LRP1B: variants seen among roughly 807,000 people sequenced by gnomAD.
LRP1B encodes low-density lipoprotein receptor-related protein 1B.
Under a neutral mutation model 556.6 loss-of-function variants are expected in LRP1B, and 217 were observed. The ratio of observed to expected loss-of-function variants is 0.39; its 90% CI spans 0.35 to 0.44. The LOEUF is 0.44. Among genes scored for constraint, LRP1B ranks in the 20% least tolerant of loss-of-function variants. The pLI, the probability that LRP1B is intolerant of heterozygous loss-of-function variation, is 1.00. For synonymous variants in LRP1B, 2,047 were observed against 1,865.8 expected, an observed-to-expected ratio of 1.10 and a Z score of -2.50; for missense variants, 5,053 against 5,620.8, an observed-to-expected ratio of 0.90 and a Z score of 3.23.
intron 2 of LRP1B, among the ~76,000 whole-genome samples, chr2:141,568,270 A>T (rs1686404960): frequency 6.6e-6 from 1 of 151,096 alleles, no homozygotes; most frequent in South Asian, 2.1e-4. Flanking sequence ...ACATTTTCTC[A>T]TGAGATTTAT....
intron 1 of LRP1B, among the ~76,000 whole-genome samples, chr2:142,067,342 A>AT (rs1438211677): frequency 2.0e-5 from 3 of 151,628 alleles, no homozygotes; most frequent in South Asian, 4.2e-4. Context: ...GCATAGACAG[A>AT]TAAAAAAAAA....
chr2:140,364,809 A>G (rs1682678998), intron 71 of LRP1B, 26 bp from the exon 72 acceptor site: 2 of 1,594,878 alleles, frequency 1.3e-6, no homozygotes, highest in South Asian at 2.2e-5. Flanking sequence ...AAAAGAAACA[A>G]AGAGATTCAG....
In LRP1B at chr2:141,946,216, C is replaced by T. The variant is rs143366209; in HGVS notation, c.83-135815G>A. ...AAAGTTCTTCCTGCCTGCTCCTGCTCCATTCCCTTTATCTTCTGGGTGTTT... is the reference window on the plus strand; with the variant it reads ...AAAGTTCTTCCTGCCTGCTCCTGCTTCATTCCCTTTATCTTCTGGGTGTTT... On this transcript the variant is annotated intron_variant, in intron 1 of 90. Transcript: ENST00000389484. 5.9e-3 allele frequency among the ~76,000 whole-genome samples: 902 copies of T among 152,200 alleles called. 10 individuals are homozygous for T. The highest frequency in any genetic ancestry group is 0.021 in the African/African-American group (876 of 41,532).
intron 41 of LRP1B, among the ~76,000 whole-genome samples, chr2:140,603,047 G>C (rs187382906): frequency 6.6e-6 from 1 of 151,836 alleles, no homozygotes; most frequent in Non-Finnish European, 1.5e-5. Context: ...GTTTATAATG[G>C]TTACTACTTA....
intron 1 of LRP1B, among the ~76,000 whole-genome samples, chr2:142,027,644 C>A (rs1479650451): frequency 1.3e-5 from 2 of 150,286 alleles, no homozygotes; most frequent in Admixed American, 6.7e-5. Context: ...GAAGTAATAT[C>A]ATTAACATTT....
At chr2:141,685,591 A>T (rs770144799) in intron 2 of LRP1B, among the ~76,000 whole-genome samples, 1 of 152,038 alleles carries the variant, frequency 6.6e-6, no homozygotes, top group Non-Finnish European at 1.5e-5. Context: ...TTATAAGAAG[A>T]TTATCCTGGA....
intron 2 of LRP1B, among the ~76,000 whole-genome samples, chr2:141,620,970 C>A (rs1688488354): frequency 6.6e-6 from 1 of 151,624 alleles, no homozygotes; most frequent in Admixed American, 6.6e-5. Flanking sequence ...AGGTATATTT[C>A]TCATTTGTTC....
intron 1 of LRP1B, among the ~76,000 whole-genome samples, chr2:142,096,340 C>A (rs1706367440): frequency 6.6e-6 from 1 of 151,416 alleles, no homozygotes; most frequent in Non-Finnish European, 1.5e-5. Context: ...TAAAGTAAAC[C>A]AAAGCAGAAG....
intron 2 of LRP1B, among the ~76,000 whole-genome samples, chr2:141,493,912 T>C (rs1443347856): frequency 3.3e-5 from 5 of 152,142 alleles, no homozygotes; most frequent in African/African-American, 1.2e-4. Flanking sequence ...TGAATACAAG[T>C]AAGTTTTTCA....
chr2:140,238,858 A>G (rs549745644), intron 88 of LRP1B, among the ~76,000 whole-genome samples: 8 of 150,720 alleles, frequency 5.3e-5, no homozygotes, highest in Non-Finnish European at 8.9e-5. Context: ...TAAATCTCCA[A>G]TAGTTATCAC....
chr2:141,617,930 G>A (rs551076834), intron 2 of LRP1B, among the ~76,000 whole-genome samples: 11 of 152,146 alleles, frequency 7.2e-5, no homozygotes, highest in African/African-American at 2.4e-4. Context: ...GAACCTACAA[G>A]CTATTTATTA....
intron 77 of LRP1B, among the ~76,000 whole-genome samples, chr2:140,346,762 G>A (rs941194881): frequency 1.3e-5 from 2 of 151,810 alleles, no homozygotes; most frequent in African/African-American, 4.8e-5. Flanking sequence ...TTGGGTATGA[G>A]GTTTATAAAT....
intron 41 of LRP1B, chr2:140,683,629 C>T: frequency 2.9e-6 from 2 of 697,352 alleles, no homozygotes; most frequent in Non-Finnish European, 5.4e-6. Context: ...TCTCTCAGCT[C>T]CCAGGTATTC....
chr2:141,800,640 T>A (rs755694868), intron 2 of LRP1B, among the ~76,000 whole-genome samples: 4 of 152,208 alleles, frequency 2.6e-5, no homozygotes, highest in Non-Finnish European at 5.9e-5. Flanking sequence ...CACAGCACAG[T>A]ATCTGGCACA....
At chr2:140,396,248 CTCTTT>C (rs1476132792) in intron 66 of LRP1B, among the ~76,000 whole-genome samples, 1 of 152,104 alleles carries the variant, frequency 6.6e-6, no homozygotes, top group African/African-American at 2.4e-5. Context: ...CAAAATAAGC[CTCTTT>C]TATTTTTCCT....
chr2:140,904,084 C>A (rs896661931), intron 22 of LRP1B, among the ~76,000 whole-genome samples: 14 of 151,960 alleles, frequency 9.2e-5, no homozygotes, highest in Non-Finnish European at 4.4e-5. Flanking sequence ...CAGAAAATAT[C>A]TCTTCTGTTT....
intron 2 of LRP1B, among the ~76,000 whole-genome samples, chr2:141,617,043 G>A (rs1344669811): frequency 6.6e-6 from 1 of 152,152 alleles, no homozygotes; most frequent in Non-Finnish European, 1.5e-5. Flanking sequence ...ACCAACTCCT[G>A]AAGTTAGTAT....
intron 32 of LRP1B, among the ~76,000 whole-genome samples, chr2:140,808,668 C>G (rs1573746826): frequency 6.6e-6 from 1 of 152,246 alleles, no homozygotes; most frequent in Middle Eastern, 3.4e-3. Flanking sequence ...CCATGTATAT[C>G]AGCAGCTGGC....
intron 1 of LRP1B, among the ~76,000 whole-genome samples, chr2:141,992,395 A>G (rs1198863380): frequency 2.7e-4 from 41 of 152,076 alleles, no homozygotes; most frequent in Non-Finnish European, 2.9e-5. Context: ...AATGCCCCAC[A>G]TTGCCCCCAT....
Sources: allele counts gnomAD v4.1 joint callset (sites outside exome capture counted in the v4.1 genomes callset), GRCh38; gene constraint gnomAD v4.1.1; transcripts MANE v1.5; gene names NCBI Gene and HGNC (gene_info 2026-07-23, HGNC 2026-07-21).